Variants in TTLL1 observed in about 807,000 individuals in gnomAD.
TTLL1 encodes the protein TTL family tubulin polyglutamylase complex subunit L1.
TTLL1 carries 33 observed loss-of-function variants against 47.8 expected under a neutral mutation model. The ratio of observed to expected loss-of-function variants is 0.69; its 90% CI spans 0.52 to 0.92. TTLL1 has a LOEUF of 0.92. Among genes scored for constraint, TTLL1 ranks in the 40% least tolerant of loss-of-function variants. TTLL1 has a pLI of 0.00. For synonymous variants in TTLL1, 225 were observed against 214.1 expected, an observed-to-expected ratio of 1.05 and a Z score of -0.45; for missense variants, 488 against 547.5, an observed-to-expected ratio of 0.89 and a Z score of 1.08.
intron 9 of TTLL1, among the ~76,000 whole-genome samples, chr22:43,051,434 C>T (rs1026741860): frequency 6.6e-6 from 1 of 152,106 alleles, no homozygotes; most frequent in African/African-American, 2.4e-5. Flanking sequence ...CCAAGGGTAC[C>T]GAGGTTGTGA....
At position 43,046,540 on chromosome 22, in the gene TTLL1, C is replaced by A; in HGVS notation, c.1012G>T (p.Ala338Ser). The change falls in exon 10 of 11, where the codon GCC (alanine) becomes TCC (serine). Residue 338 changes from alanine (A) to serine (S), a missense_variant. Ala to Ser is a moderately conservative substitution (Grantham distance 99). Transcript: ENST00000266254. ...NASPSLTSST[A>S]NDRILKYNLI... ...TTGTACTTGAGGATTCGGTCATTGG[C>A]AGTGCTGGACGTGAGAGACGGGGAC... The A allele has an allele frequency of 6.2e-7, 1 of 1,614,128 alleles. No individual in the cohort carries two copies. The highest frequency in any genetic ancestry group is 8.5e-7 in the Non-Finnish European group (1 of 1,180,020).
intron 6 of TTLL1, 103 bp from the exon 7 acceptor site, chr22:43,064,024 G>A (rs1021230750): frequency 3.5e-5 from 51 of 1,474,258 alleles, no homozygotes; most frequent in Non-Finnish European, 4.3e-5. Flanking sequence ...TGATTTACAC[G>A]ACTCACATCG....
chr22:43,058,125 T>A (rs1927146993), intron 8 of TTLL1, among the ~76,000 whole-genome samples: 2 of 152,036 alleles, frequency 1.3e-5, no homozygotes, highest in African/African-American at 2.4e-5. Context: ...TTTGTAGTTG[T>A]AGTAGAGACG....
In TTLL1 at chr22:43,042,943, T is replaced by C. The variant is rs961196042; in HGVS notation, c.1143-3038A>G. Among the ~76,000 whole-genome samples, 163 of 149,148 alleles carry C rather than the reference T, an allele frequency of 1.1e-3. 1 individual carries two copies. The highest frequency in any genetic ancestry group is 2.8e-3 in the African/African-American group (114 of 40,712). On this transcript the variant is annotated intron_variant, in intron 10 of 10. Coordinates refer to ENST00000266254, the MANE Select transcript of TTLL1 (RefSeq NM_012263.5). ...TCTGGCCTCTGCTGCTTTTTCTTTTTTTTTTTTTTTTTTTGAGGCAGACTT... is the reference window on the plus strand; with the variant it reads ...TCTGGCCTCTGCTGCTTTTTCTTTTCTTTTTTTTTTTTTTGAGGCAGACTT...
chr22:43,059,255 G>C, intron 8 of TTLL1, 129 bp downstream of exon 8: 1 of 1,355,772 alleles, frequency 7.4e-7, no homozygotes, highest in Non-Finnish European at 9.9e-7. Context: ...CGGCCTCCCA[G>C]CTTGCTGGGA....
Position 43,064,278 on chromosome 22 carries a change from T to C in TTLL1, c.550A>G (p.Ile184Val), listed in dbSNP as rs550564867. The C allele has an allele frequency of 1.9e-6, 3 of 1,614,080 alleles. No individual in the cohort carries two copies. The highest frequency in any genetic ancestry group is 3.3e-5 in the Admixed American group (2 of 59,994). ...CCGCCAATTAGTAACGGGTTGTTAA[T>C]ATAGAGAGAGATCACGTAGGCTTCC... ...NKEAYVISLYINNPLLIGGRK... is the reference protein window; with the variant it reads ...NKEAYVISLYVNNPLLIGGRK... The change falls in exon 6 of 11, where the codon ATT becomes GTT. Residue 184 changes from isoleucine to valine, a missense_variant. By Grantham distance (29) the Ile-to-Val change is conservative (BLOSUM62 3). Coordinates refer to ENST00000266254, the MANE Select transcript of TTLL1 (RefSeq NM_012263.5).
At chr22:43,053,422 C>T (rs1926782273) in intron 8 of TTLL1, among the ~76,000 whole-genome samples, 1 of 152,206 alleles carries the variant, frequency 6.6e-6, no homozygotes, top group Admixed American at 6.5e-5. Context: ...TATCCTCATC[C>T]AGGCCAGTGC....
Position 43,085,029 on chromosome 22 carries a change from G to A in TTLL1, c.-90+4248C>T, listed in dbSNP as rs546599689. On this transcript the variant is annotated intron_variant, in intron 1 of 10. Transcript: ENST00000266254. ...GTCGCCCAGGCTGGAGTGCAGTGGC[G>A]CGATCTCAGCTCACTGTAACCTCCA... 1.7e-3 allele frequency among the ~76,000 whole-genome samples: 245 copies of A among 145,380 alleles called. 1 individual carries two copies. The highest frequency in any genetic ancestry group is 2.6e-3 in the Non-Finnish European group (177 of 67,242).
chr22:43,080,292 C>T (rs573433301), intron 1 of TTLL1, among the ~76,000 whole-genome samples: 1 of 152,074 alleles, frequency 6.6e-6, no homozygotes, highest in Non-Finnish European at 1.5e-5. Flanking sequence ...CAGGCTCTAG[C>T]TATCTGCCCA....
intron 8 of TTLL1, 100 bp from the exon 9 acceptor site, chr22:43,051,987 C>A (rs1434586240): frequency 9.3e-7 from 1 of 1,076,298 alleles, no homozygotes; most frequent in African/African-American, 1.5e-5. Flanking sequence ...GTCCCGACCT[C>A]CCACAGCACA....
intron 2 of TTLL1, among the ~76,000 whole-genome samples, chr22:43,076,261 G>GACACGGGGACCACGGGAGCCGCAC (rs1928478885): frequency 6.6e-6 from 1 of 151,432 alleles, no homozygotes; most frequent in African/African-American, 2.4e-5. Context: ...TTCAAGACCA[G>GACACGGGGACCACGGGAGCCGCAC]CGTGGCCAAT....
intron 1 of TTLL1, among the ~76,000 whole-genome samples, chr22:43,086,458 G>A (rs1601712030): frequency 6.6e-6 from 1 of 152,052 alleles, no homozygotes; most frequent in South Asian, 2.1e-4. Flanking sequence ...GGTTTCCCAT[G>A]AACACCCTGG....
chr22:43,072,935 T>C (rs1194217179), intron 3 of TTLL1, among the ~76,000 whole-genome samples: 2 of 152,180 alleles, frequency 1.3e-5, no homozygotes, highest in African/African-American at 4.8e-5. Context: ...ATTGGGTATG[T>C]GGCTTTTGGG....
rs535918134 is a variant in TTLL1 at position 43,043,487 on chromosome 22, G to A, written c.1142+2923C>T. Reference sequence around the variant, plus strand: ...ACAGGGGCCATCAGGACCCAGCCCCGAAGGCCGCCATCGCAGTTGCCATCC... The same window carrying A: ...ACAGGGGCCATCAGGACCCAGCCCCAAAGGCCGCCATCGCAGTTGCCATCC... On this transcript the variant is annotated intron_variant, in intron 10 of 10. Transcript: ENST00000266254. Among the ~76,000 whole-genome samples the A allele has an allele frequency of 1.6e-4, 25 of 151,824 alleles. No individual in the cohort carries two copies. The South Asian group carries it at 4.6e-3, about 28-fold the overall frequency.
chr22:43,058,417 G>A (rs1927168830), intron 8 of TTLL1, among the ~76,000 whole-genome samples: 1 of 152,214 alleles, frequency 6.6e-6, no homozygotes, highest in Non-Finnish European at 1.5e-5. Context: ...GCCATTTCCA[G>A]CCCGAAATAT....
chr22:43,085,601 T>C (rs576717286), intron 1 of TTLL1, among the ~76,000 whole-genome samples: 92 of 152,358 alleles, frequency 6.0e-4, no homozygotes, highest in African/African-American at 2.1e-3. Context: ...GCCTTTGCTC[T>C]TCCTTCATCT....
At chr22:43,058,207 G>C (rs1927153249) in intron 8 of TTLL1, among the ~76,000 whole-genome samples, 1 of 152,102 alleles carries the variant, frequency 6.6e-6, no homozygotes, top group Non-Finnish European at 1.5e-5. Flanking sequence ...GCCTCCCAAA[G>C]TGCTGGGATT....
At chr22:43,070,448 G>C (rs1175076052) in intron 3 of TTLL1, among the ~76,000 whole-genome samples, 1 of 152,046 alleles carries the variant, frequency 6.6e-6, no homozygotes, top group African/African-American at 2.4e-5. Context: ...ACGGAGGAAG[G>C]GCTGGCCCCT....
At chr22:43,056,535 C>T (rs1001916778) in intron 8 of TTLL1, among the ~76,000 whole-genome samples, 2 of 147,856 alleles carry the variant, frequency 1.4e-5, no homozygotes, top group African/African-American at 5.0e-5. Context: ...GTAATCCCAG[C>T]ACTTTTGGGA....
Sources: allele counts gnomAD v4.1 joint callset (sites outside exome capture counted in the v4.1 genomes callset), GRCh38; gene constraint gnomAD v4.1.1; transcripts MANE v1.5; gene names NCBI Gene and HGNC (gene_info 2026-07-23, HGNC 2026-07-21).